The following KAZN variants were observed in gnomAD, a reference collection of about 807,000 sequenced individuals.
KAZN encodes the protein kazrin, periplakin interacting protein, also known as kazrin.
In KAZN, 40 loss-of-function variants were observed where a neutral mutation model predicts 87.4. The ratio of observed to expected loss-of-function variants is 0.46; its 90% CI spans 0.36 to 0.60. The LOEUF is 0.60. Ranked by LOEUF, KAZN falls within the 20% of genes least tolerant of loss-of-function variation. The pLI, the probability that KAZN is intolerant of heterozygous loss-of-function variation, is 0.00. For synonymous variants in KAZN, 466 were observed against 458.3 expected, an observed-to-expected ratio of 1.02 and a Z score of -0.22; for missense variants, 898 against 1,073.9, an observed-to-expected ratio of 0.84 and a Z score of 2.29.
At chr1:15,060,644 T>TC in intron 6 of KAZN, 1 of 287,376 alleles carries the variant, frequency 3.5e-6, no homozygotes, top group Non-Finnish European at 6.7e-6. Flanking sequence ...GCTCAGGGCC[T>TC]CCCCAGCACC....
chr1:14,317,494 T>C (rs1246945488), intron 2 of KAZN, among the ~76,000 whole-genome samples: 1 of 152,018 alleles, frequency 6.6e-6, no homozygotes, highest in Non-Finnish European at 1.5e-5. Flanking sequence ...GTCTCTGCCA[T>C]TTAAATGTAA....
chr1:14,433,559 T>A (rs574631449), intron 2 of KAZN, among the ~76,000 whole-genome samples: 3 of 152,198 alleles, frequency 2.0e-5, no homozygotes, highest in Admixed American at 2.0e-4. Context: ...TTAGTGCTCT[T>A]CTAAAAAGAG....
intron 1 of KAZN, among the ~76,000 whole-genome samples, chr1:14,155,698 G>T (rs915101517): frequency 6.6e-6 from 1 of 152,048 alleles, no homozygotes; most frequent in Non-Finnish European, 1.5e-5. Flanking sequence ...TACCCAGGCT[G>T]GAGTGCAGTG....
At chr1:14,819,368 G>A (rs1401246523) in intron 1 of KAZN, among the ~76,000 whole-genome samples, 5 of 152,148 alleles carry the variant, frequency 3.3e-5, no homozygotes, top group Admixed American at 1.3e-4. Flanking sequence ...CATCAAACAC[G>A]AGTTCAGATG....
chr1:14,106,314 A>G (rs909306757), intron 1 of KAZN, among the ~76,000 whole-genome samples: 4 of 152,254 alleles, frequency 2.6e-5, no homozygotes, highest in African/African-American at 7.2e-5. Flanking sequence ...GGTCATAGAA[A>G]ATGAATCTCA....
chr1:14,036,545 G>A (rs1570583010), intron 1 of KAZN, among the ~76,000 whole-genome samples: 1 of 152,082 alleles, frequency 6.6e-6, no homozygotes, highest in Non-Finnish European at 1.5e-5. Flanking sequence ...TGTCCATGTA[G>A]CCCCAGCTAC....
At chr1:14,135,641 C>G (rs1219629412) in intron 1 of KAZN, among the ~76,000 whole-genome samples, 1 of 152,150 alleles carries the variant, frequency 6.6e-6, no homozygotes, top group Non-Finnish European at 1.5e-5. Context: ...GTTTTAATTT[C>G]TCTTTAATTG....
intron 1 of KAZN, among the ~76,000 whole-genome samples, chr1:14,136,860 G>T (rs544204884): frequency 1.3e-5 from 2 of 152,170 alleles, no homozygotes; most frequent in Non-Finnish European, 2.9e-5. Context: ...GGAGTGCATG[G>T]GGACTAGGAC....
At chr1:14,607,415 G>A (rs527272697) in intron 1 of KAZN, among the ~76,000 whole-genome samples, 50 of 152,300 alleles carry the variant, frequency 3.3e-4, no homozygotes, top group African/African-American at 7.0e-4. Flanking sequence ...ACTGCCTGGC[G>A]TCTCCACCAG....
intron 1 of KAZN, among the ~76,000 whole-genome samples, chr1:14,910,298 C>T (rs1235890081): frequency 6.6e-6 from 1 of 152,190 alleles, no homozygotes; most frequent in Non-Finnish European, 1.5e-5. Flanking sequence ...CAGAAAAGGA[C>T]TTGATGTGCA....
chr1:13,951,661 T>C (rs1461794926), intron 1 of KAZN, among the ~76,000 whole-genome samples: 4 of 75,120 alleles, frequency 5.3e-5, no homozygotes, highest in Non-Finnish European at 1.2e-4. Context: ...ATAATAATAA[T>C]AATAATAATA....
chr1:14,311,164 G>A (rs1655262440), intron 2 of KAZN, among the ~76,000 whole-genome samples: 1 of 152,180 alleles, frequency 6.6e-6, no homozygotes, highest in African/African-American at 2.4e-5. Context: ...CTGGACCACA[G>A]GAAGAAGAGA....
rs1160013191 is a variant in KAZN at position 13,984,380 on chromosome 1, T to C, written c.91+90624T>C. Among the ~76,000 whole-genome samples, 7 of 152,350 alleles carry C rather than the reference T, an allele frequency of 4.6e-5. No individual in the cohort carries two copies. In the South Asian group the frequency reaches 1.2e-3, roughly 27 times the overall value. On this transcript the variant is annotated intron_variant, in intron 1 of 16. Coordinates refer to the KAZN transcript ENST00000636203. ...GGCAATGGGCTGTTCTTTACTGGAA[T>C]TGCCAACAGAAATGACAGTATTTCT...
chr1:13,970,174 A>AT (rs1642087121), intron 1 of KAZN, among the ~76,000 whole-genome samples: 1 of 152,226 alleles, frequency 6.6e-6, no homozygotes, highest in Non-Finnish European at 1.5e-5. Context: ...GTTTTTAAGC[A>AT]AAAGGAATAT....
intron 10 of KAZN, among the ~76,000 whole-genome samples, chr1:15,098,681 G>A (rs1438308100): frequency 6.6e-6 from 1 of 152,252 alleles, no homozygotes; most frequent in East Asian, 1.9e-4. Context: ...GGCCCTTGAG[G>A]GACTGGGAGG....
chr1:14,037,275 T>C (rs1236833432), intron 1 of KAZN, among the ~76,000 whole-genome samples: 1 of 152,248 alleles, frequency 6.6e-6, no homozygotes, highest in Non-Finnish European at 1.5e-5. Context: ...TCCAGCTGCC[T>C]ATTGCTAGAC....
At chr1:14,188,526 G>T (rs1646359708) in intron 2 of KAZN, among the ~76,000 whole-genome samples, 1 of 152,110 alleles carries the variant, frequency 6.6e-6, no homozygotes, top group South Asian at 2.1e-4. Context: ...CACAAAAGAA[G>T]GCTAGGGTAA....
intron 1 of KAZN, among the ~76,000 whole-genome samples, chr1:14,904,588 G>T (rs982357269): frequency 1.3e-5 from 2 of 152,170 alleles, no homozygotes; most frequent in Non-Finnish European, 2.9e-5. Flanking sequence ...AGGCCCGTGC[G>T]CCACATGTCA....
At chr1:14,383,793 A>G (rs1237336646) in intron 2 of KAZN, among the ~76,000 whole-genome samples, 1 of 152,144 alleles carries the variant, frequency 6.6e-6, no homozygotes, top group Non-Finnish European at 1.5e-5. Flanking sequence ...TGACTTGGCT[A>G]TATGGGCTCT....
Sources: allele counts gnomAD v4.1 joint callset (sites outside exome capture counted in the v4.1 genomes callset), GRCh38; gene constraint gnomAD v4.1.1; transcripts MANE v1.5; gene names NCBI Gene and HGNC (gene_info 2026-07-23, HGNC 2026-07-21).